The following YIPF1 variants were observed in gnomAD, a reference collection of about 807,000 sequenced individuals.
YIPF1 encodes the protein protein YIPF1.
A neutral mutation model predicts 37.0 loss-of-function variants in YIPF1; 22 were observed. The ratio of observed to expected loss-of-function variants is 0.59; its 90% CI spans 0.42 to 0.85. The LOEUF (loss-of-function observed/expected upper bound fraction) is 0.85, where lower values mean the gene tolerates loss of function less well. Ranked by LOEUF, YIPF1 falls within the 40% of genes least tolerant of loss-of-function variation. YIPF1 has a pLI of 0.00. For missense variants in YIPF1, 355 were observed against 373.1 expected, an observed-to-expected ratio of 0.95 and a Z score of 0.40; for synonymous variants, 128 against 131.9, an observed-to-expected ratio of 0.97 and a Z score of 0.21.
chr1:53,882,438 G>A (rs1310394096), intron 4 of YIPF1, among the ~76,000 whole-genome samples: 1 of 151,312 alleles, frequency 6.6e-6, no homozygotes, highest in Non-Finnish European at 1.5e-5. Flanking sequence ...TCAAGCAAGT[G>A]TTTTCAATCT....
intron 10 of YIPF1, among the ~76,000 whole-genome samples, chr1:53,855,237 T>C (rs908085486): frequency 6.6e-6 from 1 of 151,790 alleles, no homozygotes; most frequent in East Asian, 1.9e-4. Flanking sequence ...CACTGCGATA[T>C]GATTATCTGC....
At chr1:53,881,782 A>G (rs1002386846) in intron 4 of YIPF1, among the ~76,000 whole-genome samples, 2 of 152,200 alleles carry the variant, frequency 1.3e-5, no homozygotes, top group African/African-American at 4.8e-5. Context: ...TAGTTCAACC[A>G]TTGTGGAAGA....
chr1:53,851,772 G>T lies in YIPF1; in HGVS notation c.*507C>A, dbSNP rs772048257. The T allele has an allele frequency of 6.6e-6, 1 of 152,132 alleles. No individual in the cohort carries two copies. Among genetic ancestry groups the T allele is most frequent in the Non-Finnish European group, 1.5e-5 (1 of 68,042 alleles). 9.4% of individuals were successfully genotyped at this position (152,132 alleles called of 1,614,324 possible). ...TATTTTGCAGCCATTCAGTTCAGCT[G>T]TCCAGTATCAGGTTACCAAAGACAA... On this transcript the variant is annotated 3_prime_UTR_variant, in exon 11 of 11. Coordinates refer to ENST00000072644, the MANE Select transcript of YIPF1 (RefSeq NM_018982.5).
At chr1:53,868,917 T>G (rs886762808) in intron 7 of YIPF1, among the ~76,000 whole-genome samples, 3 of 152,232 alleles carry the variant, frequency 2.0e-5, no homozygotes, top group African/African-American at 7.2e-5. Flanking sequence ...TAATATGTAC[T>G]GTTTACAGCA....
intron 3 of YIPF1, among the ~76,000 whole-genome samples, chr1:53,885,124 C>T (rs1375426477): frequency 6.6e-6 from 1 of 152,168 alleles, no homozygotes; most frequent in African/African-American, 2.4e-5. Context: ...TACTCCATGG[C>T]TCTGAGTCTC....
chr1:53,870,101 C>T (rs1018203020), intron 7 of YIPF1, among the ~76,000 whole-genome samples: 8 of 151,102 alleles, frequency 5.3e-5, no homozygotes, highest in Admixed American at 2.0e-4. Flanking sequence ...CCTTGTGATC[C>T]ACCCACCTTG....
At chr1:53,859,991 C>T in intron 10 of YIPF1, 65 bp downstream of exon 10, 1 of 1,535,346 alleles carries the variant, frequency 6.5e-7, no homozygotes, top group Non-Finnish European at 9.0e-7. Context: ...CTAACACTAA[C>T]AGAATTGATA....
At position 53,879,416 on chromosome 1, in the gene YIPF1, C is replaced by A. The variant is rs61774831; in HGVS notation, c.196-694G>T. 9.0e-3 allele frequency among the ~76,000 whole-genome samples: 1,370 copies of A among 152,102 alleles called. 12 individuals are homozygous for A. The highest frequency in any genetic ancestry group is 0.015 in the Non-Finnish European group (1,010 of 67,962). ...GCAGTGTAAATATCTCTTCCTCCCC[C>A]ATCCATCCACAATCCTCCCTACTAT... On this transcript the variant is annotated intron_variant, in intron 4 of 10. Transcript: ENST00000072644.
At chr1:53,867,026 G>A (rs1650048684) in intron 7 of YIPF1, 102 bp from the exon 8 acceptor site, 1 of 1,337,802 alleles carries the variant, frequency 7.5e-7, no homozygotes, top group Non-Finnish European at 1.0e-6. Flanking sequence ...CATGTCAATT[G>A]ACTTCAGTGG....
At position 53,874,803 on chromosome 1, in the gene YIPF1, T is replaced by C. The variant is rs1650293186; in HGVS notation, c.365-3315A>G. On this transcript the variant is annotated intron_variant, in intron 6 of 10. Transcript: ENST00000072644. ...ATATATTTTTAATGGTATCATTCTA[T>C]TCATATCCTTCCACAACATGCTTTT... Among the ~76,000 whole-genome samples, 4 of 152,100 alleles carry C rather than the reference T, an allele frequency of 2.6e-5. No individual in the cohort carries two copies. In the South Asian group the frequency reaches 6.2e-4, roughly 24 times the overall value.
At chr1:53,853,836 G>A (rs934671639) in intron 10 of YIPF1, among the ~76,000 whole-genome samples, 1 of 152,132 alleles carries the variant, frequency 6.6e-6, no homozygotes, top group Non-Finnish European at 1.5e-5. Context: ...GGACAAACGG[G>A]CCCACAGAGC....
Position 53,870,167 on chromosome 1 carries a change from T to C in YIPF1, c.481+1205A>G, listed in dbSNP as rs1351469861. Among the ~76,000 whole-genome samples the C allele has an allele frequency of 1.1e-3, 49 of 43,402 alleles. 6 individuals carry two copies. Among genetic ancestry groups the C allele is most frequent in the African/African-American group, 2.6e-3 (24 of 9,086 alleles). The allele number at this position is 43,402 out of a possible 152,430, so 28.5% of individuals were successfully genotyped here. ...AGCCACCGCACCGGGTCTCTTTTTTTTTTTTTTTTTTTTTTTTTTTTTGAG... is the reference window on the plus strand; with the variant it reads ...AGCCACCGCACCGGGTCTCTTTTTTCTTTTTTTTTTTTTTTTTTTTTTGAG... On this transcript the variant is annotated intron_variant, in intron 7 of 10. Transcript: ENST00000072644.
At chr1:53,858,404 T>C (rs1012280638) in intron 10 of YIPF1, among the ~76,000 whole-genome samples, 1 of 152,180 alleles carries the variant, frequency 6.6e-6, no homozygotes, top group Admixed American at 6.5e-5. Context: ...GTAAAGTCAG[T>C]GGGAGCCACC....
chr1:53,874,105 C>T (rs1431568024), intron 6 of YIPF1, among the ~76,000 whole-genome samples: 3 of 152,138 alleles, frequency 2.0e-5, no homozygotes, highest in African/African-American at 7.2e-5. Flanking sequence ...TCATCCCTCT[C>T]CCCCGTTTGC....
Position 53,852,558 on chromosome 1 carries a change from TTCTC to T in YIPF1, c.*9-292_*9-289del, listed in dbSNP as rs1443188210. On this transcript the variant is annotated intron_variant, in intron 10 of 10. Coordinates refer to ENST00000072644, the MANE Select transcript of YIPF1 (RefSeq NM_018982.5). ...ATCCTAAAGCTACCTTTGCCCATCC[TTCTC>T]TCTTTCTCTTCTCCGTGACAGCACT... Among the ~76,000 whole-genome samples, 3 of 152,334 alleles carry T rather than the reference TTCTC, an allele frequency of 2.0e-5. No homozygotes were observed. In the South Asian group the frequency reaches 6.2e-4, roughly 32 times the overall value.
intron 9 of YIPF1, 23 bp from the exon 10 acceptor site, chr1:53,860,176 G>A (rs748944185): frequency 6.2e-7 from 1 of 1,612,816 alleles, no homozygotes; most frequent in African/African-American, 1.3e-5. Flanking sequence ...AAAGACCCAG[G>A]AGGGAGTTAA....
At chr1:53,870,527 A>C (rs955203302) in intron 7 of YIPF1, among the ~76,000 whole-genome samples, 3 of 152,102 alleles carry the variant, frequency 2.0e-5, no homozygotes, top group African/African-American at 4.8e-5. Flanking sequence ...GTTTGGAATA[A>C]GTTATGAATT....
At chr1:53,863,893 C>T (rs1649950741) in intron 9 of YIPF1, among the ~76,000 whole-genome samples, 1 of 152,108 alleles carries the variant, frequency 6.6e-6, no homozygotes, top group African/African-American at 2.4e-5. Context: ...GCACGTGCCA[C>T]CATACCTGGC....
At chr1:53,857,461 G>A (rs1368889660) in intron 10 of YIPF1, among the ~76,000 whole-genome samples, 1 of 152,230 alleles carries the variant, frequency 6.6e-6, no homozygotes, top group Non-Finnish European at 1.5e-5. Flanking sequence ...AAGGCTAGCA[G>A]TGAGAACCTG....
Sources: allele counts gnomAD v4.1 joint callset (sites outside exome capture counted in the v4.1 genomes callset), GRCh38; gene constraint gnomAD v4.1.1; transcripts MANE v1.5; gene names NCBI Gene and HGNC (gene_info 2026-07-23, HGNC 2026-07-21).